The following CHIC1 variants were observed in gnomAD, a reference collection of about 807,000 sequenced individuals.
CHIC1 encodes the protein cysteine rich hydrophobic domain 1.
A neutral mutation model predicts 18.5 loss-of-function variants in CHIC1; 7 were observed. That is an observed-to-expected ratio of 0.38 (90% CI 0.22 to 0.71). CHIC1 has a LOEUF of 0.71. CHIC1 is among the 30% of genes least tolerant of loss of function. The pLI is 0.49. For synonymous variants in CHIC1, 77 were observed against 73.5 expected (o/e 1.05, Z -0.25); for missense variants, 159 against 176.9 (o/e 0.90, Z 0.57).
chrX:73,677,192 A>G (rs961856190), intron 3 of CHIC1, among the ~76,000 whole-genome samples: 7 of 111,991 alleles, frequency 6.3e-5, no homozygotes, highest in African/African-American at 2.3e-4. Context: ...GACCCACTTG[A>G]GGAGGCTGTC....
chrX:73,640,564 T>C (rs1351702912), intron 3 of CHIC1, among the ~76,000 whole-genome samples: 1 of 111,849 alleles, frequency 8.9e-6, no homozygotes, highest in Non-Finnish European at 1.9e-5. Context: ...TTCAGTTTCT[T>C]CCTTCTTCAG....
At chrX:73,660,013 A>G (rs1383140762) in intron 3 of CHIC1, among the ~76,000 whole-genome samples, 1 of 111,865 alleles carries the variant, frequency 8.9e-6, no homozygotes, top group Non-Finnish European at 1.9e-5. Flanking sequence ...ATAATTGCCT[A>G]ACTGGAGGCT....
rs1233651799 is a variant in CHIC1 at position 73,584,518 on chromosome X, C to T, written c.453C>T (p.Cys151=). 8.6e-7 allele frequency: 1 copy of T among 1,167,217 alleles called. No homozygotes were observed. The highest frequency in any genetic ancestry group is 1.1e-6 in the Non-Finnish European group (1 of 872,248). The part of the protein sequence containing the change: ...NVKWLLCGCL[C]CCCTLGCSLW... Reference sequence around the variant, plus strand: ...AATGGCTGCTGTGTGGTTGTCTCTGCTGCTGTTGCACACTGGGTTGCAGCC... The same window carrying T: ...AATGGCTGCTGTGTGGTTGTCTCTGTTGCTGTTGCACACTGGGTTGCAGCC... The change falls in exon 3 of 6, where the codon TGC becomes TGT. Residue 151 remains cysteine (C), a synonymous_variant. Coordinates refer to ENST00000373502, the MANE Select transcript of CHIC1 (RefSeq NM_001039840.4).
chrX:73,619,021 G>A (rs1042384954), intron 3 of CHIC1, among the ~76,000 whole-genome samples: 2 of 111,629 alleles, frequency 1.8e-5, no homozygotes, highest in African/African-American at 6.5e-5. Context: ...CTCTAAAACC[G>A]TCTCAGTTCC....
chrX:73,655,494 GTA>G lies in CHIC1; in HGVS notation c.508-23821_508-23820del, dbSNP rs201990322. ...TATATACATATATACACAATATTGT[GTA>G]TATATATATACATATATACACAATA... On this transcript the variant is annotated intron_variant, in intron 3 of 5. Coordinates refer to ENST00000373502, the MANE Select transcript of CHIC1 (RefSeq NM_001039840.4). 6.3e-4 allele frequency among the ~76,000 whole-genome samples: 34 copies of G among 54,225 alleles called. 3 individuals are homozygous for G. Among genetic ancestry groups the G allele is most frequent in the African/African-American group, 2.1e-3 (28 of 13,618 alleles). The allele number at this position is 54,225 out of a possible 115,157, so 47.1% of individuals were successfully genotyped here. A position where few individuals can be genotyped will look rare whatever the true frequency, so the allele number is the denominator to read the frequency against.
intron 1 of CHIC1, among the ~76,000 whole-genome samples, chrX:73,575,481 C>A (rs1209686796): frequency 9.1e-6 from 1 of 110,178 alleles, no homozygotes; most frequent in Admixed American, 9.6e-5. Flanking sequence ...TAGTACACAC[C>A]TAAGCTATAT....
At chrX:73,608,760 T>A (rs1273636397) in intron 3 of CHIC1, among the ~76,000 whole-genome samples, 1 of 108,784 alleles carries the variant, frequency 9.2e-6, no homozygotes, top group Non-Finnish European at 1.9e-5. Flanking sequence ...CTCATTTTTG[T>A]GAGATTTAAT....
rs184437854 is a variant in CHIC1, at chrX:73,600,795, G to C, written c.507+16223G>C. On this transcript the variant is annotated intron_variant, in intron 3 of 5. Transcript: ENST00000373502. The stretch of plus-strand genomic sequence containing the variant: ...ATCAAGGATATTGGTCTAAAAGTGT[G>C]CTGTATTCAGGAAACCCATCTCACG... Among the ~76,000 whole-genome samples the C allele has an allele frequency of 3.9e-4, 42 of 106,850 alleles. 1 individual carries two copies. The highest frequency in any genetic ancestry group is 3.7e-3 in the Admixed American group (37 of 10,077). 92.8% of individuals were successfully genotyped at this position (106,850 alleles called of 115,157 possible).
intron 3 of CHIC1, among the ~76,000 whole-genome samples, chrX:73,632,835 C>G (rs1241359501): frequency 4.4e-5 from 4 of 91,512 alleles, no homozygotes; most frequent in Middle Eastern, 6.9e-3. Context: ...GTGGCACAAT[C>G]TCAGCTGACT....
chrX:73,659,813 T>C (rs1203907007), intron 3 of CHIC1, among the ~76,000 whole-genome samples: 2 of 111,711 alleles, frequency 1.8e-5, no homozygotes, highest in Non-Finnish European at 3.8e-5. Context: ...GGTGCTAAGA[T>C]GTCCCAGGCA....
intron 3 of CHIC1, among the ~76,000 whole-genome samples, chrX:73,639,245 G>C (rs1160268929): frequency 9.0e-6 from 1 of 111,612 alleles, no homozygotes; most frequent in Non-Finnish European, 1.9e-5. Flanking sequence ...GTATCTCACT[G>C]TGGTTTTGAT....
intron 3 of CHIC1, among the ~76,000 whole-genome samples, chrX:73,598,363 G>A (rs1342989501): frequency 9.3e-6 from 1 of 107,580 alleles, no homozygotes; most frequent in Non-Finnish European, 1.9e-5. Flanking sequence ...TAAGTTTTAG[G>A]GTACATGTGC....
chrX:73,663,178 G>A (rs1433544488), intron 3 of CHIC1, among the ~76,000 whole-genome samples: 1 of 111,795 alleles, frequency 8.9e-6, no homozygotes, highest in Non-Finnish European at 1.9e-5. Flanking sequence ...ATAGCCCATA[G>A]ATCATGCAAA....
At chrX:73,649,209 T>C (rs376047750) in intron 3 of CHIC1, among the ~76,000 whole-genome samples, 1 of 110,924 alleles carries the variant, frequency 9.0e-6, no homozygotes, top group Non-Finnish European at 1.9e-5. Flanking sequence ...GCACTAAATA[T>C]GGAAAGGAAA....
chrX:73,583,283 C>T (rs1023322774), intron 2 of CHIC1, among the ~76,000 whole-genome samples: 2 of 110,872 alleles, frequency 1.8e-5, no homozygotes, highest in African/African-American at 3.3e-5. Context: ...ATTATGTGAT[C>T]ATGTATTTTT....
intron 3 of CHIC1, among the ~76,000 whole-genome samples, chrX:73,625,021 A>C (rs1022702377): frequency 2.7e-5 from 3 of 112,041 alleles, no homozygotes; most frequent in African/African-American, 9.7e-5. Context: ...CTAACATGTC[A>C]GGTTTCTGGG....
chrX:73,567,637 C>G (rs1368463504), intron 1 of CHIC1, among the ~76,000 whole-genome samples: 1 of 111,180 alleles, frequency 9.0e-6, no homozygotes, highest in Non-Finnish European at 1.9e-5. Flanking sequence ...CATATCTAAT[C>G]AAACCACTTT....
intron 3 of CHIC1, among the ~76,000 whole-genome samples, chrX:73,657,782 G>T (rs921860870): frequency 9.1e-6 from 1 of 110,091 alleles, no homozygotes; most frequent in Admixed American, 9.6e-5. Context: ...TCATTTTGAG[G>T]TATATTCCTT....
intron 3 of CHIC1, among the ~76,000 whole-genome samples, chrX:73,599,431 G>C (rs1193986806): frequency 2.2e-5 from 2 of 91,141 alleles, no homozygotes; most frequent in Non-Finnish European, 4.1e-5. Context: ...GAATGGTAAT[G>C]CCTAGGTTTT....
Sources: allele counts gnomAD v4.1 joint callset (sites outside exome capture counted in the v4.1 genomes callset), GRCh38; gene constraint gnomAD v4.1.1; transcripts MANE v1.5; gene names NCBI Gene and HGNC (gene_info 2026-07-23, HGNC 2026-07-21).